Variants in HYDIN observed in about 807,000 individuals in gnomAD.
The protein encoded by HYDIN is axonemal central pair apparatus protein HYDIN.
A neutral mutation model predicts 403.9 loss-of-function variants in HYDIN; 132 were observed. That is an observed-to-expected ratio of 0.33 (90% CI 0.28 to 0.38). HYDIN has a LOEUF of 0.38. HYDIN is among the 10% of genes least tolerant of loss of function. HYDIN has a pLI of 1.00. For synonymous variants in HYDIN, 1,202 were observed against 1,891.7 expected, an observed-to-expected ratio of 0.64 and a Z score of 9.46; for missense variants, 2,827 against 5,009.5, an observed-to-expected ratio of 0.56 and a Z score of 13.15.
At chr16:71,214,280 T>A (rs1260556939) in intron 1 of HYDIN, among the ~76,000 whole-genome samples, 3 of 151,998 alleles carry the variant, frequency 2.0e-5, no homozygotes, top group Admixed American at 6.6e-5. Flanking sequence ...GGTTAGAAAA[T>A]TCAGTATTGT....
intron 41 of HYDIN, among the ~76,000 whole-genome samples, chr16:70,944,723 GCAGA>G (rs1293482998): frequency 1.3e-5 from 2 of 152,172 alleles, no homozygotes; most frequent in Admixed American, 6.5e-5. Context: ...GTGTGTTTCA[GCAGA>G]CAAATAATCT....
chr16:71,201,812 GT>G (rs1227358627), intron 1 of HYDIN, among the ~76,000 whole-genome samples: 1 of 152,206 alleles, frequency 6.6e-6, no homozygotes, highest in African/African-American at 2.4e-5. Flanking sequence ...GCCAGTCAAT[GT>G]TTTTTGACAC....
chr16:70,885,882 C>T (rs2041099233), intron 58 of HYDIN, among the ~76,000 whole-genome samples: 1 of 151,860 alleles, frequency 6.6e-6, no homozygotes, highest in African/African-American at 2.4e-5. Flanking sequence ...ACCCAGTTCA[C>T]TTCAATCAAT....
At position 70,804,078 on chromosome 16, in the gene HYDIN, T is replaced by C. The variant is rs886274971; in HGVS notation, c.*3502A>G. ...AGCTACTTTGCCATTCCAAATTTGC[T>C]AATATAAGACTATTTTGTTATTGTT... On this transcript the variant is annotated 3_prime_UTR_variant, in exon 86 of 86. Transcript: ENST00000393567. Among the ~76,000 whole-genome samples, 2 of 152,238 alleles carry C rather than the reference T, an allele frequency of 1.3e-5. No homozygotes were observed. The highest frequency in any genetic ancestry group is 1.3e-4 in the Admixed American group (2 of 15,288).
At chr16:70,928,494 G>A (rs1246697745) in intron 45 of HYDIN, among the ~76,000 whole-genome samples, 1 of 151,448 alleles carries the variant, frequency 6.6e-6, no homozygotes, top group Non-Finnish European at 1.5e-5. Flanking sequence ...GGGTCAATGG[G>A]TCCATGTGGT....
intron 84 of HYDIN, among the ~76,000 whole-genome samples, chr16:70,813,983 T>C (rs2035672121): frequency 1.3e-5 from 2 of 151,852 alleles, no homozygotes; most frequent in South Asian, 4.2e-4. Context: ...ATGAACTTGA[T>C]TTATTTCATA....
At chr16:70,858,270 C>T (rs1340507308) in intron 71 of HYDIN, among the ~76,000 whole-genome samples, 10 of 152,174 alleles carry the variant, frequency 6.6e-5, no homozygotes, top group Non-Finnish European at 1.0e-4. Flanking sequence ...CAGATTTCTC[C>T]CTCAGAAGTT....
chr16:70,821,854 C>G (rs1181535649), intron 83 of HYDIN, among the ~76,000 whole-genome samples: 1 of 152,100 alleles, frequency 6.6e-6, no homozygotes, highest in African/African-American at 2.4e-5. Context: ...CATCTGATTT[C>G]TAATTACAGG....
At chr16:70,870,479 C>G (rs1286021709) in intron 65 of HYDIN, among the ~76,000 whole-genome samples, 1 of 151,294 alleles carries the variant, frequency 6.6e-6, no homozygotes, top group Admixed American at 6.6e-5. Context: ...CCCAGCCACT[C>G]TGGTCATGGC....
At chr16:70,976,733 T>G (rs2078899172) in intron 30 of HYDIN, among the ~76,000 whole-genome samples, 1 of 152,240 alleles carries the variant, frequency 6.6e-6, no homozygotes, top group African/African-American at 2.4e-5. Flanking sequence ...CCATTTTGTA[T>G]ATAATAAATA....
chr16:70,896,160 G>T lies in HYDIN; in HGVS notation c.9049-80C>A, dbSNP rs1237315304. ...CCTGAAACATGTAATATCCTAACGG[G>T]GATACGGCAGGGAACGTTTTGAAGT... On this transcript the variant is annotated intron_variant, in intron 53 of 85. Transcript: ENST00000393567. 28 of 1,551,238 alleles carry T rather than the reference G, an allele frequency of 1.8e-5. No individual in the cohort carries two copies. The East Asian group carries it at 2.8e-4, about 15-fold the overall frequency.
At chr16:71,224,559 C>CTTTTTT (rs34595246) in intron 1 of HYDIN, among the ~76,000 whole-genome samples, 9 of 117,394 alleles carry the variant, frequency 7.7e-5, no homozygotes, top group Admixed American at 1.7e-4. Flanking sequence ...TAAGGTTTTT[C>CTTTTTT]TTTTTTTTTT....
intron 18 of HYDIN, among the ~76,000 whole-genome samples, chr16:71,034,893 G>GA (rs904636974): frequency 1.7e-4 from 25 of 144,310 alleles, no homozygotes; most frequent in Admixed American, 2.1e-4. Context: ...CATAGAAATA[G>GA]AAAAAAAAAC....
At chr16:71,227,375 T>C (rs1381618447) in intron 1 of HYDIN, among the ~76,000 whole-genome samples, 11 of 152,152 alleles carry the variant, frequency 7.2e-5, no homozygotes, top group Admixed American at 7.2e-4. Flanking sequence ...AGTCAAATTG[T>C]CCCTGTTTGC....
At chr16:70,849,207 C>A (rs1175872583) in intron 75 of HYDIN, among the ~76,000 whole-genome samples, 1 of 152,062 alleles carries the variant, frequency 6.6e-6, no homozygotes, top group Non-Finnish European at 1.5e-5. Context: ...GAGAATAGGG[C>A]AAATCAAAAT....
rs543072188 is a variant in HYDIN at position 71,214,130 on chromosome 16, A to G, written c.-24+16432T>C. On this transcript the variant is annotated intron_variant, in intron 1 of 85. Transcript: ENST00000393567. ...AATTGCATTTCTATATACTCAAAAA[A>G]GTTTTTAAAAAATCAACCTAACAGT... Among the ~76,000 whole-genome samples the G allele has an allele frequency of 2.6e-5, 4 of 152,240 alleles. No homozygotes were observed. In the East Asian group the frequency reaches 7.7e-4, roughly 29 times the overall value.
intron 78 of HYDIN, among the ~76,000 whole-genome samples, chr16:70,835,066 C>G (rs569365653): frequency 2.1e-5 from 3 of 146,024 alleles, no homozygotes; most frequent in Admixed American, 1.4e-4. Context: ...GGTGCGATCT[C>G]GACTCACTGC....
At chr16:71,003,798 C>CAA (rs56343756) in intron 23 of HYDIN, among the ~76,000 whole-genome samples, 1 of 121,050 alleles carries the variant, frequency 8.3e-6, no homozygotes, top group African/African-American at 3.1e-5. Context: ...GACTCCATCT[C>CAA]AAAAAAAAAA....
intron 16 of HYDIN, chr16:71,062,700 T>G (rs1044403268): frequency 6.4e-6 from 1 of 157,258 alleles, no homozygotes; most frequent in African/African-American, 2.4e-5. Flanking sequence ...TTGCCCTTTG[T>G]GCTCCATCAA....
Sources: gnomAD v4.1 joint callset for allele counts (sites outside exome capture counted in the v4.1 genomes callset) on GRCh38, gnomAD v4.1.1 for gene constraint, MANE v1.5 for transcripts, NCBI Gene and HGNC (gene_info 2026-07-23, HGNC 2026-07-21) for gene names.